NIPA1: variants seen among roughly 807,000 people sequenced by gnomAD.
NIPA1 encodes the protein magnesium transporter NIPA1.
A neutral mutation model predicts 23.9 loss-of-function variants in NIPA1; 13 were observed. The ratio of observed to expected loss-of-function variants is 0.54; its 90% CI spans 0.35 to 0.87. NIPA1 has a LOEUF of 0.87. Among genes scored for constraint, NIPA1 ranks in the 40% least tolerant of loss-of-function variants. The pLI is 0.01. For missense variants in NIPA1, 362 were observed against 429.7 expected, an observed-to-expected ratio of 0.84 and a Z score of 1.39; for synonymous variants, 234 against 202.9, an observed-to-expected ratio of 1.15 and a Z score of -1.30.
intron 1 of NIPA1, among the ~76,000 whole-genome samples, chr15:22,799,254 A>T (rs1487881377): frequency 6.6e-6 from 1 of 152,230 alleles, no homozygotes; most frequent in Non-Finnish European, 1.5e-5. Flanking sequence ...AGCCATAAAA[A>T]GAACAAGATC....
chr15:22,799,844 TG>T (rs1487851184), intron 1 of NIPA1, among the ~76,000 whole-genome samples: 1 of 138,278 alleles, frequency 7.2e-6, no homozygotes, highest in Non-Finnish European at 1.5e-5. Flanking sequence ...CTGGGGAGGC[TG>T]AGATAGGAGG....
At position 22,829,420 on chromosome 15, in the gene NIPA1, C is replaced by CAAAA. The variant is rs1895711674; in HGVS notation, c.*5181_*5182insAAAA. On this transcript the variant is annotated 3_prime_UTR_variant, in exon 5 of 5. Transcript: ENST00000337435. ...ATTTGTCAGAATATAATAATTGCCC[C>CAAAA]CCACCTTAGTATTTTTGCACTTTAC... 4 of 152,490 alleles carry CAAAA rather than the reference C, an allele frequency of 2.6e-5. No individual in the cohort carries two copies. The highest frequency in any genetic ancestry group is 4.8e-5 in the African/African-American group (2 of 41,402). The allele number at this position is 152,490 out of a possible 1,614,324, so 9.4% of individuals were successfully genotyped here.
rs1895692030 is a variant in NIPA1 at position 22,828,357 on chromosome 15, AT to A, written c.*4119del. ...ACCACAAGACAGTTTATCATATAAAATACCTCAATTTTTTGTATTCCTCATT... is the reference window on the plus strand; with the variant it reads ...ACCACAAGACAGTTTATCATATAAAAACCTCAATTTTTTGTATTCCTCATT... On this transcript the variant is annotated 3_prime_UTR_variant, in exon 5 of 5. Transcript: ENST00000337435. 1 of 152,630 alleles carries A rather than the reference AT, an allele frequency of 6.6e-6. No homozygotes were observed. The highest frequency in any genetic ancestry group is 1.5e-5 in the Non-Finnish European group (1 of 68,018). The allele number at this position is 152,630 out of a possible 1,614,324, so 9.5% of individuals were successfully genotyped here.
chr15:22,786,732 G>A lies in NIPA1; in HGVS notation c.76G>A (p.Ala26Thr). ...GGAGGGGGCGCGTAGCCCGAGCCCC[G>A]CCGCCGTGTCGCTCGGCCTGGGCGT... ...AGEGARSPSP[A>T]AVSLGLGVAV... The change falls in exon 1 of 5, where the codon GCC becomes ACC. Residue 26 changes from alanine (A) to threonine (T), a missense_variant. Physicochemically the swap from Ala to Thr is moderately conservative, Grantham distance 58. This residue lies in a region of NIPA1 where 85 missense variants were observed against 57.7 expected (regional missense o/e 1.47). Coordinates refer to ENST00000337435, the MANE Select transcript of NIPA1 (RefSeq NM_144599.5). 1 of 1,255,268 alleles carries A rather than the reference G, an allele frequency of 8.0e-7. No individual in the cohort carries two copies. The highest frequency in any genetic ancestry group is 4.7e-5 in the East Asian group (1 of 21,062). The allele number at this position is 1,255,268 out of a possible 1,614,324, so 77.8% of individuals were successfully genotyped here.
At position 22,810,537 on chromosome 15, in the gene NIPA1, G is replaced by C. The variant is rs117974214; in HGVS notation, c.179-212G>C. Among the ~76,000 whole-genome samples, 1,130 of 152,078 alleles carry C rather than the reference G, an allele frequency of 7.4e-3. 10 individuals carry two copies. The highest frequency in any genetic ancestry group is 0.012 in the Non-Finnish European group (807 of 67,950). On this transcript the variant is annotated intron_variant, in intron 1 of 4. Transcript: ENST00000337435. ...TCCTTATTTGGGTCAGCCTGTGTTG[G>C]TTGCAAAAAATATCTTGACTTTGCC...
intron 1 of NIPA1, among the ~76,000 whole-genome samples, chr15:22,809,878 A>T (rs1000791577): frequency 1.3e-5 from 2 of 150,882 alleles, no homozygotes; most frequent in Non-Finnish European, 3.0e-5. Flanking sequence ...CGTCTCTACT[A>T]AAAAAAAATA....
intron 1 of NIPA1, among the ~76,000 whole-genome samples, chr15:22,802,959 T>G (rs1473741741): frequency 6.6e-6 from 1 of 152,044 alleles, no homozygotes; most frequent in Non-Finnish European, 1.5e-5. Flanking sequence ...AACTTTTTTT[T>G]TTTTGGGTGG....
chr15:22,810,883 G>C, intron 2 of NIPA1, 87 bp downstream of exon 2: 1 of 1,048,198 alleles, frequency 9.5e-7, no homozygotes, highest in Non-Finnish European at 1.5e-6. Context: ...CTGGGCTAGG[G>C]TGGCTCTGTT....
intron 1 of NIPA1, among the ~76,000 whole-genome samples, chr15:22,789,148 T>C (rs1460105539): frequency 6.6e-6 from 1 of 151,354 alleles, no homozygotes. Flanking sequence ...TGCCACCATA[T>C]CTGGCTAATT....
intron 4 of NIPA1, among the ~76,000 whole-genome samples, chr15:22,822,064 G>T (rs552978933): frequency 8.5e-5 from 13 of 152,108 alleles, no homozygotes; most frequent in Non-Finnish European, 1.5e-5. Context: ...ATAGACTGAC[G>T]TGGGGGTGTA....
intron 1 of NIPA1, among the ~76,000 whole-genome samples, chr15:22,795,865 T>C (rs1894929576): frequency 6.6e-6 from 1 of 152,130 alleles, no homozygotes; most frequent in African/African-American, 2.4e-5. Flanking sequence ...GGGCTGATTT[T>C]GGTATTGTTC....
chr15:22,789,499 C>T (rs972730033), intron 1 of NIPA1, among the ~76,000 whole-genome samples: 8 of 152,088 alleles, frequency 5.3e-5, no homozygotes, highest in Non-Finnish European at 8.8e-5. Context: ...AGAGACCAGC[C>T]GGCGGGGCAG....
intron 1 of NIPA1, among the ~76,000 whole-genome samples, chr15:22,794,108 A>C (rs1024326356): frequency 4.0e-5 from 6 of 150,906 alleles, no homozygotes; most frequent in African/African-American, 1.5e-4. Context: ...TATTGCTGTT[A>C]TATTGACAGG....
At chr15:22,812,381 G>A in intron 3 of NIPA1, 128 bp downstream of exon 3, 1 of 718,502 alleles carries the variant, frequency 1.4e-6, no homozygotes, top group Non-Finnish European at 2.5e-6. Flanking sequence ...GCCGGGCATG[G>A]TGGCTTACGC....
intron 3 of NIPA1, among the ~76,000 whole-genome samples, chr15:22,814,415 G>C (rs1895376434): frequency 6.6e-6 from 1 of 151,972 alleles, no homozygotes; most frequent in South Asian, 2.1e-4. Context: ...GTGTTGGCTG[G>C]GATGGTCTTG....
intron 3 of NIPA1, among the ~76,000 whole-genome samples, chr15:22,815,667 A>G (rs756019239): frequency 9.9e-5 from 15 of 152,166 alleles, no homozygotes; most frequent in Middle Eastern, 6.8e-3. Flanking sequence ...TAAAAAAACA[A>G]CTATGAACTA....
chr15:22,814,114 G>C, intron 3 of NIPA1: 1 of 1,274,396 alleles, frequency 7.8e-7, no homozygotes. Flanking sequence ...ATGTCAGATG[G>C]TGTTCTGGAT....
chr15:22,800,868 T>C (rs978824424), intron 1 of NIPA1, among the ~76,000 whole-genome samples: 26 of 151,230 alleles, frequency 1.7e-4, no homozygotes, highest in Middle Eastern at 3.4e-3. Flanking sequence ...GAGGTGGAGC[T>C]TGCAGTGAGC....
chr15:22,795,474 CTG>C (rs1247538860), intron 1 of NIPA1, among the ~76,000 whole-genome samples: 1 of 152,132 alleles, frequency 6.6e-6, no homozygotes, highest in Non-Finnish European at 1.5e-5. Flanking sequence ...TCACTCGAGT[CTG>C]GGGTAGCTGG....
Sources: gnomAD v4.1 joint callset for allele counts (sites outside exome capture counted in the v4.1 genomes callset) on GRCh38, gnomAD v4.1.1 for gene constraint, gnomAD v4.1.1 regional missense constraint, MANE v1.5 for transcripts, NCBI Gene and HGNC (gene_info 2026-07-23, HGNC 2026-07-21) for gene names.